Variants in WDFY3 observed in about 807,000 individuals in gnomAD.
WDFY3 encodes WD repeat and FYVE domain containing 3, also known as WD repeat and FYVE domain-containing protein 3.
WDFY3 carries 66 observed loss-of-function variants against 409.6 expected under a neutral mutation model. The observed-to-expected ratio is 0.16, with a 90% CI of 0.13 to 0.20. The LOEUF (loss-of-function observed/expected upper bound fraction) is 0.20, where lower values mean the gene tolerates loss of function less well. Among genes scored for constraint, WDFY3 ranks in the 10% least tolerant of loss-of-function variants. The pLI, the probability that WDFY3 is intolerant of heterozygous loss-of-function variation, is 1.00. For synonymous variants in WDFY3, 1,521 were observed against 1,537.1 expected (o/e 0.99, Z 0.25); for missense variants, 3,031 against 4,298.1 (o/e 0.71, Z 8.24).
At chr4:84,925,942 A>T (rs1009018943) in intron 2 of WDFY3, among the ~76,000 whole-genome samples, 10 of 151,810 alleles carry the variant, frequency 6.6e-5, no homozygotes, top group Non-Finnish European at 1.2e-4. Flanking sequence ...ACATTTTTGC[A>T]TGTTTAAATT....
chr4:84,802,905 T>C (rs1750862839), intron 16 of WDFY3, among the ~76,000 whole-genome samples: 1 of 152,126 alleles, frequency 6.6e-6, no homozygotes, highest in African/African-American at 2.4e-5. Context: ...TCACCCAAAC[T>C]CCAATTCGCT....
chr4:84,954,182 A>C (rs1773962842), intron 1 of WDFY3, among the ~76,000 whole-genome samples: 1 of 152,174 alleles, frequency 6.6e-6, no homozygotes, highest in Non-Finnish European at 1.5e-5. Context: ...TTTACATAGG[A>C]TCATTATTTT....
intron 58 of WDFY3, among the ~76,000 whole-genome samples, chr4:84,694,370 C>A (rs1376904630): frequency 6.6e-6 from 1 of 152,018 alleles, no homozygotes; most frequent in Admixed American, 6.6e-5. Context: ...CTTGAAAGTA[C>A]CCTCTATTAC....
chr4:84,852,564 G>A (rs181668745), intron 4 of WDFY3, among the ~76,000 whole-genome samples: 15 of 152,234 alleles, frequency 9.9e-5, no homozygotes, highest in South Asian at 6.2e-4. Flanking sequence ...CAAGGGTATC[G>A]TTTTTTCCAG....
intron 44 of WDFY3, among the ~76,000 whole-genome samples, chr4:84,729,956 T>C (rs1055230699): frequency 2.0e-5 from 3 of 152,140 alleles, no homozygotes; most frequent in Non-Finnish European, 2.9e-5. Context: ...ACTGACTATA[T>C]TAAACATGCA....
rs1216270148 is a variant in WDFY3 at position 84,847,802 on chromosome 4, C to CA, written c.304+2099dup. Among the ~76,000 whole-genome samples, 85 of 100,046 alleles carry CA rather than the reference C, an allele frequency of 8.5e-4. No individual in the cohort carries two copies. The East Asian group carries it at 0.01, about 12-fold the overall frequency. 65.6% of individuals were successfully genotyped at this position (100,046 alleles called of 152,430 possible). Reference sequence around the variant, plus strand: ...AAAAAAAAAAAACCAAAAAAAAAAACAAAAAAAAACAAAAAAAACCCCAGA... The same window carrying CA: ...AAAAAAAAAAAACCAAAAAAAAAAACAAAAAAAAAACAAAAAAAACCCCAGA... On this transcript the variant is annotated intron_variant, in intron 5 of 67. Transcript: ENST00000295888.
chr4:84,829,267 T>C, intron 8 of WDFY3, 77 bp from the exon 9 acceptor site: 1 of 1,191,204 alleles, frequency 8.4e-7, no homozygotes. Flanking sequence ...TTAACTGTTG[T>C]TTAATGAAAC....
At chr4:84,691,027 T>C (rs994910954) in intron 60 of WDFY3, among the ~76,000 whole-genome samples, 11 of 152,222 alleles carry the variant, frequency 7.2e-5, no homozygotes, top group African/African-American at 2.4e-4. Flanking sequence ...AGAGCACGAC[T>C]GCTGCTAAGG....
intron 11 of WDFY3, among the ~76,000 whole-genome samples, chr4:84,820,389 G>C (rs781309949): frequency 6.6e-6 from 1 of 151,878 alleles, no homozygotes; most frequent in African/African-American, 2.4e-5. Context: ...ATTTTATTTC[G>C]GTATGCTTGC....
chr4:84,906,149 G>T (rs1414268156), intron 2 of WDFY3, among the ~76,000 whole-genome samples: 2 of 152,166 alleles, frequency 1.3e-5, no homozygotes, highest in Admixed American at 1.3e-4. Flanking sequence ...TTTCTTGAAT[G>T]AGCAAGTTAG....
chr4:84,736,816 G>T (rs1460188316), intron 41 of WDFY3, among the ~76,000 whole-genome samples: 1 of 151,900 alleles, frequency 6.6e-6, no homozygotes, highest in Non-Finnish European at 1.5e-5. Context: ...GATAAATTAG[G>T]TTCTGTTATA....
Position 84,679,923 on chromosome 4 carries a change from CT to C in WDFY3, c.9824-682del, listed in dbSNP as rs551167392. The stretch of plus-strand genomic sequence containing the variant: ...ATGTATTTTTTGAGACAGAATCTTG[CT>C]GTGTCACCCAGGCTGGAGTGCAGTG... On this transcript the variant is annotated intron_variant, in intron 64 of 67. Transcript: ENST00000295888. Among the ~76,000 whole-genome samples the C allele has an allele frequency of 5.8e-4, 87 of 151,240 alleles. 1 individual carries two copies. The East Asian group carries it at 0.013, about 23-fold the overall frequency.
At chr4:84,758,641 G>A (rs891228223) in intron 32 of WDFY3, among the ~76,000 whole-genome samples, 7 of 152,166 alleles carry the variant, frequency 4.6e-5, no homozygotes, top group African/African-American at 1.2e-4. Context: ...AAAAATTTAT[G>A]TCTAGGTTGC....
chr4:84,900,639 A>G (rs1011853058), intron 2 of WDFY3, among the ~76,000 whole-genome samples: 1 of 152,214 alleles, frequency 6.6e-6, no homozygotes, highest in Admixed American at 6.5e-5. Flanking sequence ...GAAAAAAACT[A>G]TTTTGATGAA....
intron 11 of WDFY3, 60 bp downstream of exon 11, chr4:84,821,024 A>G: frequency 7.0e-7 from 1 of 1,436,274 alleles, no homozygotes; most frequent in East Asian, 2.4e-5. Context: ...AACAAGAACA[A>G]AAAATTCTCT....
intron 2 of WDFY3, among the ~76,000 whole-genome samples, chr4:84,931,985 T>G (rs1470874058): frequency 6.6e-6 from 1 of 152,118 alleles, no homozygotes; most frequent in Non-Finnish European, 1.5e-5. Context: ...AAATATGACT[T>G]TCATCATCTG....
chr4:84,782,378 T>TA (rs957318507), intron 25 of WDFY3, among the ~76,000 whole-genome samples: 1 of 152,034 alleles, frequency 6.6e-6, no homozygotes, highest in Non-Finnish European at 1.5e-5. Flanking sequence ...CAATTTTTTT[T>TA]TTTTATTTTA....
At chr4:84,919,452 G>A (rs1768956186) in intron 2 of WDFY3, among the ~76,000 whole-genome samples, 1 of 142,292 alleles carries the variant, frequency 7.0e-6, no homozygotes, top group African/African-American at 2.5e-5. Context: ...CTCCCTCCCA[G>A]TAGACCCTTT....
At chr4:84,760,446 G>T (rs369652598) in intron 32 of WDFY3, among the ~76,000 whole-genome samples, 1 of 151,908 alleles carries the variant, frequency 6.6e-6, no homozygotes, top group Non-Finnish European at 1.5e-5. Context: ...GACTCTTTTT[G>T]GTTGGTAAGC....
Sources: allele counts gnomAD v4.1 joint callset (sites outside exome capture counted in the v4.1 genomes callset), GRCh38; gene constraint gnomAD v4.1.1; transcripts MANE v1.5; gene names NCBI Gene and HGNC (gene_info 2026-07-23, HGNC 2026-07-21).